Variants in NUP210 observed in about 807,000 individuals in gnomAD.
NUP210 encodes the protein nucleoporin 210.
NUP210 carries 151 observed loss-of-function variants against 196.0 expected under a neutral mutation model. That is an observed-to-expected ratio of 0.77 (90% CI 0.67 to 0.88). NUP210 has a LOEUF of 0.88. Ranked by LOEUF, NUP210 falls within the 40% of genes least tolerant of loss-of-function variation. NUP210 has a pLI of 0.00. For missense variants in NUP210, 2,314 were observed against 2,493.7 expected (o/e 0.93, Z 1.53); for synonymous variants, 1,070 against 1,052.7 (o/e 1.02, Z -0.32).
At chr3:13,400,104 T>C (rs1253574115) in intron 1 of NUP210, among the ~76,000 whole-genome samples, 1 of 151,872 alleles carries the variant, frequency 6.6e-6, no homozygotes, top group African/African-American at 2.4e-5. Context: ...ATGGAGCAAA[T>C]CAAACAGGAG....
intron 36 of NUP210, among the ~76,000 whole-genome samples, chr3:13,320,404 C>T (rs548550778): frequency 6.6e-5 from 10 of 152,030 alleles, no homozygotes; most frequent in South Asian, 2.1e-4. Context: ...GAGGCTGAGG[C>T]GGGCAGATCA....
chr3:13,362,822 A>C (rs1208289881), intron 14 of NUP210, among the ~76,000 whole-genome samples: 1 of 151,244 alleles, frequency 6.6e-6, no homozygotes, highest in East Asian at 2.0e-4. Context: ...TCCTCTCAGA[A>C]CTCCCAGTTC....
chr3:13,406,535 C>T (rs1700007361), intron 1 of NUP210, among the ~76,000 whole-genome samples: 1 of 152,200 alleles, frequency 6.6e-6, no homozygotes, highest in African/African-American at 2.4e-5. Context: ...GCAGAAAAGG[C>T]AGGGTCTGCA....
chr3:13,394,422 C>T (rs1435659589), intron 3 of NUP210, among the ~76,000 whole-genome samples: 2 of 152,260 alleles, frequency 1.3e-5, no homozygotes, highest in Non-Finnish European at 2.9e-5. Flanking sequence ...GAGGCGGGCA[C>T]TCTGCAGGTG....
chr3:13,375,947 C>T (rs1215986832), intron 10 of NUP210, among the ~76,000 whole-genome samples: 2 of 152,194 alleles, frequency 1.3e-5, no homozygotes, highest in African/African-American at 2.4e-5. Flanking sequence ...CCCGCCCAGC[C>T]CCCAGAGCTG....
intron 14 of NUP210, among the ~76,000 whole-genome samples, chr3:13,361,934 C>A (rs1299606082): frequency 6.6e-6 from 1 of 152,112 alleles, no homozygotes; most frequent in African/African-American, 2.4e-5. Flanking sequence ...ACTTAGGCGA[C>A]CCCTCCTCAC....
rs763427609 is a variant in NUP210, at chr3:13,327,207, T to C, written c.4507+10A>G. On this transcript the variant is annotated intron_variant, in intron 32 of 39. Coordinates refer to ENST00000254508, the MANE Select transcript of NUP210 (RefSeq NM_024923.4). ...ACTCCACAGGTTCCCTTGCTCAGGA[T>C]CTATCTTACCTTCCAGGCTGGTCAG... 6.2e-6 allele frequency: 10 copies of C among 1,608,676 alleles called. No individual in the cohort carries two copies. The highest frequency in any genetic ancestry group is 8.5e-6 in the Non-Finnish European group (10 of 1,177,232).
chr3:13,317,408 C>T lies in NUP210; in HGVS notation c.*273G>A, dbSNP rs1576332826. 5.8e-5 allele frequency: 28 copies of T among 479,916 alleles called. No individual in the cohort carries two copies. The East Asian group carries it at 1.1e-3, about 19-fold the overall frequency. 29.7% of individuals were successfully genotyped at this position (479,916 alleles called of 1,614,324 possible). ...AATGCAACAGCACATTGTCCAGAAA[C>T]CCTAGACAACCATGCAAAAAGGAAT... On this transcript the variant is annotated 3_prime_UTR_variant, in exon 40 of 40. Coordinates refer to ENST00000254508, the MANE Select transcript of NUP210 (RefSeq NM_024923.4).
intron 14 of NUP210, among the ~76,000 whole-genome samples, chr3:13,365,485 C>T (rs566366866): frequency 1.2e-4 from 18 of 152,340 alleles, no homozygotes; most frequent in African/African-American, 4.1e-4. Flanking sequence ...CACACTAGGC[C>T]AGGGCAGATC....
At chr3:13,358,175 C>T (rs748077202) in intron 16 of NUP210, 47 bp downstream of exon 16, 1 of 1,548,244 alleles carries the variant, frequency 6.5e-7, no homozygotes, top group Non-Finnish European at 8.8e-7. Flanking sequence ...TCCTCCTGCC[C>T]AAGCGGGTGG....
intron 13 of NUP210, among the ~76,000 whole-genome samples, chr3:13,368,565 C>T (rs560387611): frequency 6.6e-6 from 1 of 152,302 alleles, no homozygotes; most frequent in East Asian, 1.9e-4. Flanking sequence ...ACTCTGCACC[C>T]AATATACAGT....
intron 36 of NUP210, among the ~76,000 whole-genome samples, chr3:13,320,642 A>G (rs1445918392): frequency 6.7e-6 from 1 of 149,938 alleles, no homozygotes; most frequent in Non-Finnish European, 1.5e-5. Flanking sequence ...CAAAAAAAAA[A>G]AAAAAAAAAC....
rs761319779 is a variant in NUP210 at position 13,391,248 on chromosome 3, C to T, written c.496G>A (p.Glu166Lys). Residue 166 changes from glutamate (E) to lysine (K), a missense_variant, in exon 4 of 40, where the codon GAG (glutamate) becomes AAG (lysine). Glu to Lys is a moderately conservative substitution (Grantham distance 56). Transcript: ENST00000254508. ...TGGGAGTCTGAGAACCTGTCCGCCT[C>T]GGAGTCCTTCACAATCGTCCACTCG... ...VFEWTIVKDS[E>K]ADRFSDSHNA... 30 of 1,612,504 alleles carry T rather than the reference C, an allele frequency of 1.9e-5. No individual in the cohort carries two copies. Among genetic ancestry groups the T allele is most frequent in the African/African-American group, 2.7e-5 (2 of 74,868 alleles).
At position 13,350,696 on chromosome 3, in the gene NUP210, T is replaced by C. The variant is rs1011025701; in HGVS notation, c.2835+1183A>G. Among the ~76,000 whole-genome samples the C allele has an allele frequency of 1.3e-5, 2 of 149,572 alleles. No individual in the cohort carries two copies. The highest frequency in any genetic ancestry group is 4.9e-5 in the African/African-American group (2 of 40,902). On this transcript the variant is annotated intron_variant, in intron 20 of 39. Transcript: ENST00000254508. The surrounding 1 kb of genome is among the most constrained non-coding windows in gnomAD (Gnocchi z 4.1). The stretch of plus-strand genomic sequence containing the variant: ...ACAGGAAAAAAAATAGAAATTCTTT[T>C]TTTTTTTTTTTTTTTGAGATGGAGT...
intron 25 of NUP210, among the ~76,000 whole-genome samples, chr3:13,339,521 C>A (rs1391394656): frequency 6.6e-6 from 1 of 152,256 alleles, no homozygotes; most frequent in Non-Finnish European, 1.5e-5. Context: ...GAGATGAAGG[C>A]AAAGTGCTCA....
chr3:13,325,930 G>A lies in NUP210; in HGVS notation c.4509C>T (p.Gly1503=). Residue 1503 remains glycine, a splice_region_variant and synonymous_variant, in exon 33 of 40, where the codon GGC becomes GGT. Transcript: ENST00000254508. Reference sequence around the variant, plus strand: ...CCGAGGAGCTCCAGGTTCCTGAGAGGCCTGGAGAGGAAGCACAGGTGTCAG... The same window carrying A: ...CCGAGGAGCTCCAGGTTCCTGAGAGACCTGGAGAGGAAGCACAGGTGTCAG... ...CLATVLTSLE[G]LSGTWSSSAN... is the part of the protein sequence containing the mutation. The A allele has an allele frequency of 6.2e-7, 1 of 1,613,868 alleles. No individual in the cohort carries two copies. Among genetic ancestry groups the A allele is most frequent in the East Asian group, 2.2e-5 (1 of 44,882 alleles).
intron 1 of NUP210, among the ~76,000 whole-genome samples, chr3:13,412,815 C>CA (rs1559351983): frequency 6.7e-6 from 1 of 149,740 alleles, no homozygotes; most frequent in African/African-American, 2.5e-5. Context: ...ACTAAAAATA[C>CA]AAAAAATTAG....
chr3:13,348,679 C>T lies in NUP210; in HGVS notation c.2835+3200G>A. 1 of 985,382 alleles carries T rather than the reference C, an allele frequency of 1.0e-6. No individual in the cohort carries two copies. Among genetic ancestry groups the T allele is most frequent in the South Asian group, 4.7e-5 (1 of 21,286 alleles). 61.0% of individuals were successfully genotyped at this position (985,382 alleles called of 1,614,324 possible). A position where few individuals can be genotyped will look rare whatever the true frequency, so the allele number is the denominator to read the frequency against. On this transcript the variant is annotated intron_variant, in intron 20 of 39. Transcript: ENST00000254508. This position sits in a 1 kb window ranked among gnomAD's most constrained non-coding sequence, Gnocchi z 4.0. ...GCTTGTGGTCTCAGGCTCCTCGCCT[C>T]CTCCAGTGTCCTCCAACCACAAGCA...
chr3:13,384,132 T>A (rs2124927550), intron 6 of NUP210, among the ~76,000 whole-genome samples: 1 of 152,034 alleles, frequency 6.6e-6, no homozygotes, highest in Admixed American at 6.5e-5. Flanking sequence ...CTGGCCAATT[T>A]TTGTATTTTT....
Sources: gnomAD v4.1 joint callset for allele counts (sites outside exome capture counted in the v4.1 genomes callset) on GRCh38, gnomAD v4.1.1 for gene constraint, Gnocchi (gnomAD v3.1) non-coding constraint, MANE v1.5 for transcripts, NCBI Gene and HGNC (gene_info 2026-07-23, HGNC 2026-07-21) for gene names.